Variants in AGBL1 observed in about 807,000 individuals in gnomAD.
AGBL1 encodes the protein AGBL carboxypeptidase 1.
A neutral mutation model predicts 118.9 loss-of-function variants in AGBL1; 130 were observed. That is an observed-to-expected ratio of 1.09 (90% CI 0.95 to 1.26). AGBL1 has a LOEUF of 1.26. Ranked by LOEUF, AGBL1 falls within the 50% of genes most tolerant of loss-of-function variation. The pLI is 0.00. For synonymous variants in AGBL1, 555 were observed against 478.9 expected, an observed-to-expected ratio of 1.16 and a Z score of -2.08; for missense variants, 1,584 against 1,298.1, an observed-to-expected ratio of 1.22 and a Z score of -3.38.
intron 1 of AGBL1, among the ~76,000 whole-genome samples, chr15:86,097,830 T>C (rs1896478226): frequency 6.6e-6 from 1 of 152,154 alleles, no homozygotes; most frequent in African/African-American, 2.4e-5. Context: ...TTTGGATAAA[T>C]ACTCAGTGGT....
At chr15:86,930,522 C>A (rs947930167) in intron 23 of AGBL1, among the ~76,000 whole-genome samples, 1 of 152,064 alleles carries the variant, frequency 6.6e-6, no homozygotes, top group Non-Finnish European at 1.5e-5. Flanking sequence ...TAGAGGTCAT[C>A]ATTTCAATTT....
intron 22 of AGBL1, among the ~76,000 whole-genome samples, chr15:86,873,206 C>T (rs1023838155): frequency 5.9e-5 from 9 of 152,052 alleles, no homozygotes; most frequent in Non-Finnish European, 7.4e-5. Flanking sequence ...TTTTGCTTTT[C>T]ACTTGAAGAG....
chr15:86,153,891 T>C (rs374580360), intron 3 of AGBL1, among the ~76,000 whole-genome samples: 3 of 152,288 alleles, frequency 2.0e-5, no homozygotes, highest in East Asian at 3.9e-4. Flanking sequence ...TTCAAGTGCA[T>C]TTCTTTGAAA....
chr15:86,354,047 AT>A (rs1233727914), intron 17 of AGBL1, among the ~76,000 whole-genome samples: 2 of 152,198 alleles, frequency 1.3e-5, no homozygotes, highest in Non-Finnish European at 2.9e-5. Flanking sequence ...GAGGCGGGTG[AT>A]TTGCACTTCT....
At chr15:86,526,559 TATATATATATATATACAC>T (rs1034952820) in intron 19 of AGBL1, among the ~76,000 whole-genome samples, 22 of 139,594 alleles carry the variant, frequency 1.6e-4, no homozygotes, top group Non-Finnish European at 3.2e-4. Flanking sequence ...TATATATATA[TATATATATATATATACAC>T]ACAGAGTATA....
chr15:86,410,839 T>TATATATATATATATATATAA (rs1311325970), intron 18 of AGBL1, among the ~76,000 whole-genome samples: 124 of 68,076 alleles, frequency 1.8e-3, no homozygotes, highest in East Asian at 5.9e-3. Context: ...TATATATATA[T>TATATATATATATATATATAA]ATAATATACT....
chr15:86,230,629 C>T (rs954441981), intron 6 of AGBL1, among the ~76,000 whole-genome samples: 21 of 152,310 alleles, frequency 1.4e-4, no homozygotes, highest in African/African-American at 4.8e-4. Context: ...AGATGAGGGC[C>T]ATGGAGTCAG....
chr15:86,859,099 T>G (rs1487420297), intron 22 of AGBL1, among the ~76,000 whole-genome samples: 1 of 152,208 alleles, frequency 6.6e-6, no homozygotes, highest in Non-Finnish European at 1.5e-5. Context: ...AGTGAAAGCA[T>G]GCTCCAAGGC....
At chr15:86,903,121 G>T (rs1296185722) in intron 22 of AGBL1, among the ~76,000 whole-genome samples, 3 of 151,696 alleles carry the variant, frequency 2.0e-5, no homozygotes, top group Non-Finnish European at 4.4e-5. Context: ...TTCAGACTGG[G>T]TTTTTTCTAT....
At chr15:86,983,055 C>A (rs779040000) in intron 23 of AGBL1, among the ~76,000 whole-genome samples, 8 of 152,016 alleles carry the variant, frequency 5.3e-5, no homozygotes, top group Non-Finnish European at 1.0e-4. Context: ...TATTATCACA[C>A]CTTTTTTTGT....
chr15:86,434,878 A>G (rs1212230900), intron 18 of AGBL1, among the ~76,000 whole-genome samples: 7 of 152,256 alleles, frequency 4.6e-5, no homozygotes, highest in Admixed American at 1.3e-4. Flanking sequence ...TTGATGTAGA[A>G]GAAATGAACA....
At chr15:86,552,510 A>G (rs1413762533) in intron 20 of AGBL1, among the ~76,000 whole-genome samples, 1 of 152,166 alleles carries the variant, frequency 6.6e-6, no homozygotes, top group Non-Finnish European at 1.5e-5. Context: ...ATTTATGTCT[A>G]TTTGACCAGC....
At chr15:86,728,728 T>C (rs731597) in intron 22 of AGBL1, among the ~76,000 whole-genome samples, 2 of 151,898 alleles carry the variant, frequency 1.3e-5, no homozygotes, top group South Asian at 4.2e-4. Flanking sequence ...TGTTCACATC[T>C]TTTAAAATTT....
chr15:86,083,411 T>G (rs544417820), intron 1 of AGBL1: 1 of 152,356 alleles, frequency 6.6e-6, no homozygotes, highest in South Asian at 2.1e-4. Context: ...TGGCACACTC[T>G]GCACTGTGAT....
In AGBL1 at chr15:86,420,576, T is replaced by G. The variant is rs144633097; in HGVS notation, c.2555+23030T>G. On this transcript the variant is annotated intron_variant, in intron 18 of 22. Coordinates refer to ENST00000614907, the MANE Select transcript of AGBL1 (RefSeq NM_001386094.1). ...CTCTTCTCCAAAACCTCACAACTCCTCACCAGCAAGGGAACAAAACTGGAT... is the reference window on the plus strand; with the variant it reads ...CTCTTCTCCAAAACCTCACAACTCCGCACCAGCAAGGGAACAAAACTGGAT... 2.2e-3 allele frequency among the ~76,000 whole-genome samples: 330 copies of G among 152,194 alleles called. 4 individuals carry two copies. Among genetic ancestry groups the G allele is most frequent in the African/African-American group, 7.5e-3 (313 of 41,548 alleles).
At chr15:86,265,186 A>G (rs1488316447) in intron 11 of AGBL1, among the ~76,000 whole-genome samples, 2 of 152,222 alleles carry the variant, frequency 1.3e-5, no homozygotes, top group Non-Finnish European at 1.5e-5. Flanking sequence ...TTTCAGGAAA[A>G]TCAAGAGCTG....
intron 19 of AGBL1, among the ~76,000 whole-genome samples, chr15:86,530,847 T>C (rs1258805337): frequency 8.9e-6 from 1 of 112,488 alleles, no homozygotes; most frequent in African/African-American, 4.0e-5. Context: ...AACAACCTGC[T>C]CCTGAATGAC....
At position 86,694,761 on chromosome 15, in the gene AGBL1, A is replaced by G. The variant is rs181161268; in HGVS notation, c.3158+20325A>G. On this transcript the variant is annotated intron_variant, in intron 22 of 22. Coordinates refer to ENST00000614907, the MANE Select transcript of AGBL1 (RefSeq NM_001386094.1). The stretch of plus-strand genomic sequence containing the variant: ...TAGATGGCTTTTATTACATTAAGGT[A>G]TGTCCCTTGTATGCCAATTTCGCTG... 1.7e-3 allele frequency among the ~76,000 whole-genome samples: 266 copies of G among 152,130 alleles called. 4 individuals carry two copies. The East Asian group carries it at 0.022, about 12-fold the overall frequency.
At position 86,827,361 on chromosome 15, in the gene AGBL1, ATG is replaced by A. The variant is rs1212966702; in HGVS notation, c.3159-79718_3159-79717del. 2.2e-4 allele frequency among the ~76,000 whole-genome samples: 2 copies of A among 9,022 alleles called. 1 individual carries two copies. Among genetic ancestry groups the A allele is most frequent in the Non-Finnish European group, 3.1e-4 (2 of 6,422 alleles). The allele number at this position is 9,022 out of a possible 152,430, so 5.9% of individuals were successfully genotyped here. ...TATGTGTATATATATATATATATAT[ATG>A]TGTGTGTATATATATATATACACAT... On this transcript the variant is annotated intron_variant, in intron 22 of 22. Transcript: ENST00000614907.
Sources: gnomAD v4.1 joint callset for allele counts (sites outside exome capture counted in the v4.1 genomes callset) on GRCh38, gnomAD v4.1.1 for gene constraint, MANE v1.5 for transcripts, NCBI Gene and HGNC (gene_info 2026-07-23, HGNC 2026-07-21) for gene names.